The following NDUFS4 variants were observed in gnomAD, a reference collection of about 807,000 sequenced individuals.
The protein encoded by NDUFS4 is NADH dehydrogenase [ubiquinone] iron-sulfur protein 4, mitochondrial.
Under a neutral mutation model 24.3 loss-of-function variants are expected in NDUFS4, and 28 were observed. The ratio of observed to expected loss-of-function variants is 1.15; its 90% CI spans 0.85 to 1.58. The LOEUF is 1.58. Ranked by LOEUF, NDUFS4 falls within the 40% of genes most tolerant of loss-of-function variation. NDUFS4 has a pLI of 0.00. For missense variants in NDUFS4, 223 were observed against 207.9 expected, an observed-to-expected ratio of 1.07 and a Z score of -0.45; for synonymous variants, 93 against 69.7, an observed-to-expected ratio of 1.34 and a Z score of -1.67.
Position 53,586,608 on chromosome 5 carries a change from C to T in NDUFS4, c.99-16844C>T, listed in dbSNP as rs544750587. 1.1e-4 allele frequency among the ~76,000 whole-genome samples: 17 copies of T among 152,180 alleles called. No individual in the cohort carries two copies. In the South Asian group the frequency reaches 3.1e-3, roughly 28 times the overall value. On this transcript the variant is annotated intron_variant, in intron 1 of 4. Transcript: ENST00000296684. ...CGCAATCTTGGCTCACTGCAAGCTC[C>T]GCCTCCCAGGTTCATGCCATTCTCC...
Position 53,586,329 on chromosome 5 carries a change from C to CAA in NDUFS4, c.99-17108_99-17107dup, listed in dbSNP as rs539748080. Among the ~76,000 whole-genome samples, 408 of 69,870 alleles carry CAA rather than the reference C, an allele frequency of 5.8e-3. 2 individuals are homozygous for CAA. The highest frequency in any genetic ancestry group is 0.049 in the South Asian group (101 of 2,078). 45.8% of individuals were successfully genotyped at this position (69,870 alleles called of 152,430 possible). ...GGGCGACAAGAGTGAAACTTCATCT[C>CAA]AAAAAAAAAAAAAAAACAAACCAAA... is the stretch of plus-strand genomic sequence containing the variant. On this transcript the variant is annotated intron_variant, in intron 1 of 4. Transcript: ENST00000296684.
chr5:53,588,020 T>C (rs1749821892), intron 1 of NDUFS4, among the ~76,000 whole-genome samples: 1 of 152,166 alleles, frequency 6.6e-6, no homozygotes, highest in South Asian at 2.1e-4. Context: ...AGGCCAATTA[T>C]TAATAAGTGA....
chr5:53,677,067 A>G (rs907023950), intron 4 of NDUFS4, among the ~76,000 whole-genome samples: 7 of 152,170 alleles, frequency 4.6e-5, no homozygotes, highest in African/African-American at 1.7e-4. Flanking sequence ...TTTTTTCTCC[A>G]GAAAAATGTG....
In NDUFS4 at chr5:53,560,684, G is replaced by A. The variant is rs1231682697; in HGVS notation, c.22G>A (p.Val8Met). 1.2e-6 allele frequency: 2 copies of A among 1,614,128 alleles called. No individual in the cohort carries two copies. Among genetic ancestry groups the A allele is most frequent in the East Asian group, 2.2e-5 (1 of 44,900 alleles). Residue 8 changes from valine to methionine, a missense_variant, in exon 1 of 5, where the codon GTG becomes ATG. By Grantham distance (21) the Val-to-Met change is conservative. Transcript: ENST00000296684. ...CAAGATGGCGGCGGTGTCAATGTCA[G>A]TGGTACTGAGGCAGACGTTGTGGCG... MAAVSMS[V>M]VLRQTLWRRR...
At chr5:53,602,062 G>T (rs1403202094) in intron 1 of NDUFS4, among the ~76,000 whole-genome samples, 1 of 152,160 alleles carries the variant, frequency 6.6e-6, no homozygotes, top group Non-Finnish European at 1.5e-5. Context: ...ACAAGGATGA[G>T]GGGGAGCTAC....
intron 2 of NDUFS4, among the ~76,000 whole-genome samples, chr5:53,621,825 C>T (rs1015487339): frequency 6.6e-6 from 1 of 151,220 alleles, no homozygotes; most frequent in African/African-American, 2.4e-5. Flanking sequence ...CCTCAGCCTC[C>T]CGTGTAGCTG....
chr5:53,604,640 T>C (rs890252791), intron 2 of NDUFS4: 5 of 400,484 alleles, frequency 1.2e-5, no homozygotes, highest in Middle Eastern at 3.6e-4. Context: ...CCTTTGGTGC[T>C]TCCTGTTGCC....
intron 1 of NDUFS4, among the ~76,000 whole-genome samples, chr5:53,573,441 A>C (rs1175525936): frequency 2.6e-5 from 4 of 152,186 alleles, no homozygotes; most frequent in Non-Finnish European, 5.9e-5. Flanking sequence ...TTCAATCCAT[A>C]AACATGGTAT....
chr5:53,624,913 A>T (rs113759709), intron 2 of NDUFS4, among the ~76,000 whole-genome samples: 1 of 152,112 alleles, frequency 6.6e-6, no homozygotes, highest in East Asian at 1.9e-4. Flanking sequence ...TTAGAGGAAA[A>T]GCTTTCAGTC....
At chr5:53,600,378 C>T (rs959465820) in intron 1 of NDUFS4, among the ~76,000 whole-genome samples, 6 of 151,808 alleles carry the variant, frequency 4.0e-5, no homozygotes, top group South Asian at 2.1e-4. Context: ...GGTGCGATCT[C>T]GGCTCATTGC....
intron 3 of NDUFS4, among the ~76,000 whole-genome samples, chr5:53,647,247 C>G (rs1019018995): frequency 1.3e-5 from 2 of 151,692 alleles, no homozygotes; most frequent in African/African-American, 2.4e-5. Flanking sequence ...TGGTCTTGCC[C>G]CCTTGCCCAG....
At chr5:53,680,039 C>G (rs188260023) in intron 4 of NDUFS4, among the ~76,000 whole-genome samples, 1 of 152,052 alleles carries the variant, frequency 6.6e-6, no homozygotes, top group African/African-American at 2.4e-5. Flanking sequence ...ATAAAACTTG[C>G]AATTGCGGGA....
At chr5:53,588,837 T>G (rs1749852786) in intron 1 of NDUFS4, among the ~76,000 whole-genome samples, 1 of 152,146 alleles carries the variant, frequency 6.6e-6, no homozygotes, top group Non-Finnish European at 1.5e-5. Flanking sequence ...CACTTTTTAT[T>G]TTATTTTTAA....
chr5:53,565,249 T>C (rs534695825), intron 1 of NDUFS4, among the ~76,000 whole-genome samples: 33 of 152,354 alleles, frequency 2.2e-4, no homozygotes, highest in Non-Finnish European at 4.1e-4. Context: ...TTATAAAATA[T>C]AAATTGAGTG....
intron 2 of NDUFS4, among the ~76,000 whole-genome samples, chr5:53,622,558 C>T (rs1751080445): frequency 6.6e-6 from 1 of 152,064 alleles, no homozygotes; most frequent in South Asian, 2.1e-4. Flanking sequence ...AATTACCTCC[C>T]AAAGGCCCCA....
chr5:53,628,282 C>T (rs939177848), intron 2 of NDUFS4, among the ~76,000 whole-genome samples: 1 of 152,300 alleles, frequency 6.6e-6, no homozygotes, highest in East Asian at 1.9e-4. Context: ...ATTTGGTTTG[C>T]TAGCATTTTA....
At chr5:53,666,409 C>T (rs36046660) in intron 4 of NDUFS4, among the ~76,000 whole-genome samples, 2,010 of 152,182 alleles carry the variant, frequency 0.013, 16 homozygotes, top group Non-Finnish European at 0.021. Context: ...TCTACCTCCC[C>T]GGGAAAGAAA....
chr5:53,675,284 T>A (rs1445756929), intron 4 of NDUFS4, among the ~76,000 whole-genome samples: 1 of 146,084 alleles, frequency 6.8e-6, no homozygotes, highest in Non-Finnish European at 1.5e-5. Flanking sequence ...AGCCTCAGCC[T>A]CCCGAGGAGC....
At chr5:53,562,451 T>C (rs887468404) in intron 1 of NDUFS4, among the ~76,000 whole-genome samples, 1 of 152,304 alleles carries the variant, frequency 6.6e-6, no homozygotes, top group Non-Finnish European at 1.5e-5. Context: ...TCAGCAATTA[T>C]AGTAATTGAA....
Sources: gnomAD v4.1 joint callset for allele counts (sites outside exome capture counted in the v4.1 genomes callset) on GRCh38, gnomAD v4.1.1 for gene constraint, MANE v1.5 for transcripts, NCBI Gene and HGNC (gene_info 2026-07-23, HGNC 2026-07-21) for gene names.